Variants in CACNG8 observed in about 807,000 individuals in gnomAD.
The protein encoded by CACNG8 is voltage-dependent calcium channel gamma-8 subunit.
A neutral mutation model predicts 26.9 loss-of-function variants in CACNG8; 5 were observed. The ratio of observed to expected loss-of-function variants is 0.19; its 90% confidence interval spans 0.10 to 0.39. The LOEUF is 0.39. Among genes scored for constraint, CACNG8 ranks in the 10% least tolerant of loss-of-function variants. The pLI is 1.00. For synonymous variants in CACNG8, 321 were observed against 296.7 expected (o/e 1.08, Z -0.84); for missense variants, 473 against 609.4 (o/e 0.78, Z 2.36).
intron 3 of CACNG8, among the ~76,000 whole-genome samples, chr19:53,981,494 G>T (rs2069368059): frequency 6.6e-6 from 1 of 152,048 alleles, no homozygotes; most frequent in African/African-American, 2.4e-5. Flanking sequence ...GCCATGTGGG[G>T]GCAGCCCAGA....
In CACNG8 at chr19:53,982,199, G is replaced by A; in HGVS notation, c.628G>A (p.Gly210Arg). ...GTACGGCTGGTCCTTCTACTTCGGCGGGCTGTCGTTCATCCTGGCCGAGGT... is the reference window on the plus strand; with the variant it reads ...GTACGGCTGGTCCTTCTACTTCGGCAGGCTGTCGTTCATCCTGGCCGAGGT... Residue 210 changes from glycine to arginine, a missense_variant, in exon 4 of 4, where the codon GGG (glycine) becomes AGG (arginine). Around this residue, in one of 6 missense-constraint regions of CACNG8, gnomAD observed 155 missense variants for 253.0 expected, o/e 0.61. Transcript: ENST00000270458. The surrounding 1 kb of genome is among the most constrained non-coding windows in gnomAD (Gnocchi z 8.4). 6.2e-7 allele frequency: 1 copy of A among 1,613,192 alleles called. No homozygotes were observed. The highest frequency in any genetic ancestry group is 8.5e-7 in the Non-Finnish European group (1 of 1,179,746).
At chr19:53,975,499 G>T (rs1316961002) in intron 1 of CACNG8, among the ~76,000 whole-genome samples, 2 of 151,852 alleles carry the variant, frequency 1.3e-5, no homozygotes. Flanking sequence ...CCTGCCTCAG[G>T]CTCCCAAGTA....
At chr19:53,977,626 T>C (rs186599556) in intron 1 of CACNG8, among the ~76,000 whole-genome samples, 2 of 152,280 alleles carry the variant, frequency 1.3e-5, no homozygotes, top group South Asian at 2.1e-4. Flanking sequence ...ACTCCCATGA[T>C]CCACTGCGGC....
chr19:53,972,072 G>T (rs1244734298), intron 1 of CACNG8, among the ~76,000 whole-genome samples: 2 of 151,696 alleles, frequency 1.3e-5, no homozygotes, highest in Admixed American at 1.3e-4. Context: ...TCGGCTCACT[G>T]CAAACTCCGC....
chr19:53,969,392 G>A (rs1273837902), intron 1 of CACNG8, among the ~76,000 whole-genome samples: 1 of 151,954 alleles, frequency 6.6e-6, no homozygotes, highest in Non-Finnish European at 1.5e-5. Flanking sequence ...ATATGCAGTA[G>A]GGTCTGGATT....
chr19:53,967,009 C>CA (rs2069275597), intron 1 of CACNG8, among the ~76,000 whole-genome samples: 1 of 152,134 alleles, frequency 6.6e-6, no homozygotes, highest in South Asian at 2.1e-4. Flanking sequence ...AGGGTTTTTC[C>CA]ACCGCAGCAT....
rs746041905 is a variant in CACNG8, at chr19:53,989,841, T to C, written c.*6992T>C. On this transcript the variant is annotated 3_prime_UTR_variant, in exon 4 of 4. Coordinates refer to ENST00000270458, the MANE Select transcript of CACNG8 (RefSeq NM_031895.6). ...GTAGAGCTGAGGATGCCAAGGTGAA[T>C]TCCTCCTGTGCCTGGCCCCGGCCCC... 5.2e-5 allele frequency: 8 copies of C among 152,470 alleles called. No homozygotes were observed. The highest frequency in any genetic ancestry group is 7.3e-5 in the Non-Finnish European group (5 of 68,176). The allele number at this position is 152,470 out of a possible 1,614,324, so 9.4% of individuals were successfully genotyped here.
At chr19:53,979,065 G>T (rs1357531886) in intron 2 of CACNG8, among the ~76,000 whole-genome samples, 4 of 148,264 alleles carry the variant, frequency 2.7e-5, no homozygotes, top group Non-Finnish European at 6.0e-5. Context: ...AAAAAAAAGA[G>T]GGGGGAGAGA....
rs1003281410 is a variant in CACNG8, at chr19:53,982,650, G to C, written c.1079G>C (p.Gly360Ala). ...GGGGCGGGTGCCGAGCGGGACCGCG[G>C]GGGGGCGTCCGGCTTCCTCACGCTG... The change falls in exon 4 of 4, where the codon GGG (glycine) becomes GCG (alanine). Residue 360 changes from glycine to alanine, a missense_variant. Gly to Ala is a moderately conservative substitution (Grantham distance 60). Transcript: ENST00000270458. The surrounding 1 kb of genome is among the most constrained non-coding windows in gnomAD (Gnocchi z 8.4). 80 of 1,059,068 alleles carry C rather than the reference G, an allele frequency of 7.6e-5. No individual in the cohort carries two copies. Among genetic ancestry groups the C allele is most frequent in the Non-Finnish European group, 8.2e-5 (72 of 879,408 alleles). The allele number at this position is 1,059,068 out of a possible 1,614,324, so 65.6% of individuals were successfully genotyped here. A position where few individuals can be genotyped will look rare whatever the true frequency, so the allele number is the denominator to read the frequency against.
rs2069254159 is a variant in CACNG8 at position 53,963,363 on chromosome 19, CGGA to C, written c.223_225del (p.Glu75del). 3 of 1,589,114 alleles carry C rather than the reference CGGA, an allele frequency of 1.9e-6. No individual in the cohort carries two copies. Among genetic ancestry groups the C allele is most frequent in the East Asian group, 4.6e-5 (2 of 43,440 alleles). Reference sequence around the variant, plus strand: ...CCCCACCGCGGGGGCGGCGGCGCCTCGGAGAAGAAGGACCCCGGCGGCCTCACG... The same window carrying C: ...CCCCACCGCGGGGGCGGCGGCGCCTCGAAGAAGGACCCCGGCGGCCTCACG... On this transcript the variant is annotated inframe_deletion, in exon 1 of 4. Transcript: ENST00000270458.
Position 53,982,363 on chromosome 19 carries a change from C to G in CACNG8, c.792C>G (p.Pro264=). ...GCCCCTCGGCCATCCTCCGTCTGCC[C>G]AGTTACCGCTTCCGCTACCGCCGCC... is the stretch of plus-strand genomic sequence containing the variant. Residue 264 remains proline (P), a synonymous_variant, in exon 4 of 4, where the codon CCC becomes CCG. Coordinates refer to ENST00000270458, the MANE Select transcript of CACNG8 (RefSeq NM_031895.6). This position sits in a 1 kb window ranked among gnomAD's most constrained non-coding sequence, Gnocchi z 8.4. The G allele has an allele frequency of 6.5e-7, 1 of 1,539,608 alleles. No homozygotes were observed. The highest frequency in any genetic ancestry group is 8.7e-7 in the Non-Finnish European group (1 of 1,147,902).
Position 53,989,173 on chromosome 19 carries a change from G to A in CACNG8, c.*6324G>A, listed in dbSNP as rs141526501. ...TCCTAGATACTCGGGAGGCTGAGGC[G>A]GGAGGATTGCTTGAGTCCAGGAGTT... On this transcript the variant is annotated 3_prime_UTR_variant, in exon 4 of 4. Transcript: ENST00000270458. 4.0e-3 allele frequency: 616 copies of A among 152,368 alleles called. 7 individuals carry two copies. In the East Asian group the frequency reaches 0.057, roughly 14 times the overall value. The allele number at this position is 152,368 out of a possible 1,614,324, so 9.4% of individuals were successfully genotyped here. A position where few individuals can be genotyped will look rare whatever the true frequency, so the allele number is the denominator to read the frequency against.
intron 1 of CACNG8, among the ~76,000 whole-genome samples, chr19:53,963,654 G>T (rs1389147933): frequency 6.6e-6 from 1 of 151,968 alleles, no homozygotes; most frequent in African/African-American, 2.4e-5. Context: ...TCCCTCTGCA[G>T]CCCCTCTGCC....
At chr19:53,972,931 C>G (rs1194508752) in intron 1 of CACNG8, among the ~76,000 whole-genome samples, 2 of 152,152 alleles carry the variant, frequency 1.3e-5, no homozygotes, top group Non-Finnish European at 1.5e-5. Context: ...TCACTCACCC[C>G]CAATAGGGCT....
rs2069353836 is a variant in CACNG8, at chr19:53,979,882, C to T, written c.383C>T (p.Ser128Phe). The T allele has an allele frequency of 6.2e-7, 1 of 1,606,256 alleles. No homozygotes were observed. The highest frequency in any genetic ancestry group is 1.3e-5 in the African/African-American group (1 of 74,428). ...TCCCCCGCAGGAGTTGTCCGGGCCT[C>T]CAGCATCTTCCCCATCCTTAGCGCC... Residue 128 changes from serine to phenylalanine, a missense_variant, in exon 3 of 4, where the codon TCC becomes TTC. Physicochemically the swap from Ser to Phe is radical, Grantham distance 155 (BLOSUM62 -2). This residue lies in a region of CACNG8 where 155 missense variants were observed against 253.0 expected (regional missense o/e 0.61). Coordinates refer to ENST00000270458, the MANE Select transcript of CACNG8 (RefSeq NM_031895.6).
chr19:53,963,804 C>CTTTT (rs34483691), intron 1 of CACNG8, among the ~76,000 whole-genome samples: 7 of 128,174 alleles, frequency 5.5e-5, no homozygotes, highest in Admixed American at 1.7e-4. Context: ...TGCCTTTTCT[C>CTTTT]TTTTTTTTTT....
In CACNG8 at chr19:53,978,176, A is replaced by G. The variant is rs755374348; in HGVS notation, c.314A>G (p.Asn105Ser). 24 of 1,613,096 alleles carry G rather than the reference A, an allele frequency of 1.5e-5. No individual in the cohort carries two copies. Among genetic ancestry groups the G allele is most frequent in the South Asian group, 2.2e-5 (2 of 91,008 alleles). ...AAAAGAGGCGTCTGCGTGAAGATCA[A>G]TCATTTCCCGGAGGACACGGACTAC... Residue 105 changes from asparagine to serine, a missense_variant, in exon 2 of 4, where the codon AAT (asparagine) becomes AGT (serine). Transcript: ENST00000270458.
intron 1 of CACNG8, among the ~76,000 whole-genome samples, chr19:53,971,211 G>C (rs2145935237): frequency 6.6e-6 from 1 of 150,942 alleles, no homozygotes; most frequent in Middle Eastern, 3.4e-3. Context: ...AGAATTGCTT[G>C]AACTCGGGAG....
At chr19:53,967,216 C>T (rs2069276528) in intron 1 of CACNG8, among the ~76,000 whole-genome samples, 3 of 152,112 alleles carry the variant, frequency 2.0e-5, no homozygotes, top group African/African-American at 2.4e-5. Flanking sequence ...TGAGAATCAC[C>T]GCTCTAAGGC....
Sources: gnomAD v4.1 joint callset for allele counts (sites outside exome capture counted in the v4.1 genomes callset) on GRCh38, gnomAD v4.1.1 for gene constraint, gnomAD v4.1.1 regional missense constraint, Gnocchi (gnomAD v3.1) non-coding constraint, MANE v1.5 for transcripts, NCBI Gene and HGNC (gene_info 2026-07-23, HGNC 2026-07-21) for gene names.